FAM83D: variants seen among roughly 807,000 people sequenced by gnomAD.
FAM83D encodes the protein scaffolding CK1 anchoring protein D, also known as protein FAM83D.
A neutral mutation model predicts 25.4 loss-of-function variants in FAM83D; 26 were observed. The ratio of observed to expected loss-of-function variants is 1.02; its 90% CI spans 0.75 to 1.42. The LOEUF is 1.42. Among genes scored for constraint, FAM83D ranks in the 40% most tolerant of loss-of-function variants. The pLI is 0.00. For missense variants in FAM83D, 740 were observed against 758.1 expected (o/e 0.98, Z 0.28); for synonymous variants, 310 against 318.5 (o/e 0.97, Z 0.28).
Position 38,951,560 on chromosome 20 carries a change from A to AT in FAM83D, c.800dup (p.Leu267PhefsTer5). 6.2e-7 allele frequency: 1 copy of AT among 1,612,402 alleles called. No homozygotes were observed. The highest frequency in any genetic ancestry group is 8.5e-7 in the Non-Finnish European group (1 of 1,179,022). Reference sequence around the variant, plus strand: ...TAAGTTTTACATGGACGGATGGCAAATTAAACAGCAGTAACTTGGTAATTC... The same window carrying AT: ...TAAGTTTTACATGGACGGATGGCAAATTTAAACAGCAGTAACTTGGTAATTC... On this transcript the variant is annotated frameshift_variant, in exon 4 of 4. Transcript: ENST00000619850. LOFTEE classifies it low-confidence loss of function (END_TRUNC).
At chr20:38,940,239 CAGCAGGA>C (rs550191719) in intron 1 of FAM83D, among the ~76,000 whole-genome samples, 67 of 152,296 alleles carry the variant, frequency 4.4e-4, no homozygotes, top group Non-Finnish European at 7.5e-4. Flanking sequence ...GTGGGAAAGG[CAGCAGGA>C]GAGTAACTGG....
chr20:38,952,205 G>GTC lies in FAM83D; in HGVS notation c.1445_1446dup (p.Ser483LeufsTer39). 1 of 1,614,150 alleles carries GTC rather than the reference G, an allele frequency of 6.2e-7. No homozygotes were observed. Among genetic ancestry groups the GTC allele is most frequent in the South Asian group, 1.1e-5 (1 of 91,084 alleles). ...CCAGTTTGAAGTCTTCCTCCTCTGT[G>GTC]TCTTCCCAAGGCTCTGTGGCAAGCT... On this transcript the variant is annotated frameshift_variant, in exon 4 of 4. Coordinates refer to ENST00000619850, the MANE Select transcript of FAM83D (RefSeq NM_030919.3). LOFTEE classifies it low-confidence loss of function (END_TRUNC).
intron 1 of FAM83D, among the ~76,000 whole-genome samples, chr20:38,935,228 A>T (rs939527034): frequency 2.0e-5 from 3 of 152,202 alleles, no homozygotes; most frequent in African/African-American, 7.2e-5. Context: ...AATAAAAACA[A>T]TTCAAAATGA....
chr20:38,928,756 C>G (rs1456583391), intron 1 of FAM83D, among the ~76,000 whole-genome samples: 1 of 152,194 alleles, frequency 6.6e-6, no homozygotes, highest in Non-Finnish European at 1.5e-5. Flanking sequence ...ATCTCACGGG[C>G]ATTTTGTAAT....
At chr20:38,944,876 T>C (rs1307882823) in intron 2 of FAM83D, among the ~76,000 whole-genome samples, 1 of 151,434 alleles carries the variant, frequency 6.6e-6, no homozygotes, top group Non-Finnish European at 1.5e-5. Context: ...GAGGCAGAGG[T>C]TGCAGTGAGC....
chr20:38,948,053 A>T, intron 3 of FAM83D, 53 bp downstream of exon 3: 2 of 1,598,430 alleles, frequency 1.3e-6, no homozygotes, highest in Non-Finnish European at 8.5e-7. Context: ...CAGAAGAAGC[A>T]TGTCATGTAA....
At chr20:38,948,136 C>A in intron 3 of FAM83D, 136 bp downstream of exon 3, 2 of 1,079,528 alleles carry the variant, frequency 1.9e-6, no homozygotes, top group Non-Finnish European at 1.3e-6. Flanking sequence ...CTGTGTATAG[C>A]AGCTGGTTAT....
intron 1 of FAM83D, 48 bp from the exon 2 acceptor site, chr20:38,941,911 G>C: frequency 1.3e-6 from 2 of 1,594,740 alleles, no homozygotes; most frequent in East Asian, 4.5e-5. Flanking sequence ...GTGCTGTAAG[G>C]TGGTGTCCTA....
intron 1 of FAM83D, 150 bp from the exon 2 acceptor site, chr20:38,941,809 G>A: frequency 1.3e-6 from 1 of 747,838 alleles, no homozygotes; most frequent in East Asian, 2.5e-5. Context: ...CCATGGTGAG[G>A]GGGGCACCAA....
rs533630889 is a variant in FAM83D, at chr20:38,941,842, G to A, written c.484-117G>A. The A allele has an allele frequency of 4.4e-5, 44 of 995,518 alleles. No individual in the cohort carries two copies. In the East Asian group the frequency reaches 9.6e-4, roughly 22 times the overall value. 61.7% of individuals were successfully genotyped at this position (995,518 alleles called of 1,614,324 possible). The stretch of plus-strand genomic sequence containing the variant: ...CAACACTGCAGAAGGGGGAGGGAAG[G>A]ATAACTGTTGGATAGGGATCATTTC... On this transcript the variant is annotated intron_variant, in intron 1 of 3. Transcript: ENST00000619850.
intron 1 of FAM83D, among the ~76,000 whole-genome samples, chr20:38,934,828 G>A (rs2085672150): frequency 1.3e-5 from 2 of 152,088 alleles, no homozygotes; most frequent in Admixed American, 1.3e-4. Flanking sequence ...ATCTAGAATG[G>A]TACTGACCAG....
intron 3 of FAM83D, among the ~76,000 whole-genome samples, chr20:38,948,840 C>T (rs536592370): frequency 2.0e-5 from 3 of 152,270 alleles, no homozygotes; most frequent in African/African-American, 7.2e-5. Context: ...AATCTTGACA[C>T]CTTTCTTTTT....
intron 1 of FAM83D, 82 bp from the exon 2 acceptor site, chr20:38,941,877 A>G (rs901793709): frequency 2.2e-6 from 3 of 1,362,754 alleles, no homozygotes; most frequent in Non-Finnish European, 2.1e-6. Context: ...CCCAGTTCTG[A>G]GTGGAGTCCA....
In FAM83D at chr20:38,952,782, G is replaced by C. The variant is rs151031091; in HGVS notation, c.*262G>C. 204 of 486,122 alleles carry C rather than the reference G, an allele frequency of 4.2e-4. No homozygotes were observed. Among genetic ancestry groups the C allele is most frequent in the African/African-American group, 3.6e-3 (186 of 51,768 alleles). 30.1% of individuals were successfully genotyped at this position (486,122 alleles called of 1,614,324 possible). A position where few individuals can be genotyped will look rare whatever the true frequency, so the allele number is the denominator to read the frequency against. On this transcript the variant is annotated 3_prime_UTR_variant, in exon 4 of 4. Transcript: ENST00000619850. ...TTTTAATAGTCATGCACTACATAAT[G>C]ATGTTTTGGTCAATGACAGACCACG... is the stretch of plus-strand genomic sequence containing the variant.
In FAM83D at chr20:38,951,779, T is replaced by C. The variant is rs2085755684; in HGVS notation, c.1017T>C (p.Ser339=). Residue 339 remains serine (S), a synonymous_variant, in exon 4 of 4, where the codon AGT becomes AGC. Transcript: ENST00000619850. The part of the protein sequence containing the change: ...LLRMRLARLS[S]TPRKADLDPE... Reference sequence around the variant, plus strand: ...GGATGCGGCTGGCTAGGCTGTCAAGTACTCCCAGGAAGGCGGACCTGGACC... The same window carrying C: ...GGATGCGGCTGGCTAGGCTGTCAAGCACTCCCAGGAAGGCGGACCTGGACC... The C allele has an allele frequency of 1.2e-6, 2 of 1,614,018 alleles. No individual in the cohort carries two copies. Among genetic ancestry groups the C allele is most frequent in the Admixed American group, 3.3e-5 (2 of 60,008 alleles).
At position 38,952,242 on chromosome 20, in the gene FAM83D, C is replaced by T; in HGVS notation, c.1480C>T (p.Pro494Ser). Residue 494 changes from proline (P) to serine (S), a missense_variant, in exon 4 of 4, where the codon CCC (proline) becomes TCC (serine). Pro to Ser is a moderately conservative substitution (Grantham distance 74, BLOSUM62 -1). Coordinates refer to ENST00000619850, the MANE Select transcript of FAM83D (RefSeq NM_030919.3). Reference protein sequence around the residue: ...QGSVASSTGSPASIRTTDFHN... With the variant: ...QGSVASSTGSSASIRTTDFHN... The stretch of plus-strand genomic sequence containing the variant: ...CTCTGTGGCAAGCTCCACTGGTTCT[C>T]CCGCTTCCATCAGAACCACTGACTT... The T allele has an allele frequency of 6.2e-7, 1 of 1,614,180 alleles. No individual in the cohort carries two copies. Among genetic ancestry groups the T allele is most frequent in the Non-Finnish European group, 8.5e-7 (1 of 1,180,036 alleles).
intron 3 of FAM83D, among the ~76,000 whole-genome samples, chr20:38,951,271 A>AAAAC (rs142595638): frequency 1.9e-4 from 29 of 152,134 alleles, no homozygotes; most frequent in Non-Finnish European, 3.2e-4. Flanking sequence ...ACCCCGTCTC[A>AAAAC]AAACAAACAA....
At chr20:38,931,634 T>C (rs950223900) in intron 1 of FAM83D, among the ~76,000 whole-genome samples, 10 of 152,254 alleles carry the variant, frequency 6.6e-5, no homozygotes, top group Admixed American at 6.5e-4. Flanking sequence ...TCTTCAGGAA[T>C]GTCTCTGGAA....
At chr20:38,948,452 C>T (rs1425886321) in intron 3 of FAM83D, among the ~76,000 whole-genome samples, 3 of 152,214 alleles carry the variant, frequency 2.0e-5, no homozygotes, top group African/African-American at 4.8e-5. Flanking sequence ...AAATCCTCCA[C>T]GTTGCTTCAA....
Sources: gnomAD v4.1 joint callset for allele counts (sites outside exome capture counted in the v4.1 genomes callset) on GRCh38, gnomAD v4.1.1 for gene constraint, MANE v1.5 for transcripts, NCBI Gene and HGNC (gene_info 2026-07-23, HGNC 2026-07-21) for gene names.